FANCC: variants seen among roughly 807,000 people sequenced by gnomAD.
FANCC encodes the protein Fanconi anemia group C protein.
In FANCC, 55 loss-of-function variants were observed where a neutral mutation model predicts 71.3. The ratio of observed to expected loss-of-function variants is 0.77; its 90% CI spans 0.62 to 0.97. The LOEUF (loss-of-function observed/expected upper bound fraction) is 0.97, where lower values mean the gene tolerates loss of function less well. FANCC is among the 50% of genes least tolerant of loss of function. FANCC has a pLI of 0.00. For synonymous variants in FANCC, 275 were observed against 244.9 expected (o/e 1.12, Z -1.15); for missense variants, 678 against 670.9 (o/e 1.01, Z -0.12).
chr9:95,120,790 A>G (rs1434073335), intron 10 of FANCC, among the ~76,000 whole-genome samples: 1 of 152,160 alleles, frequency 6.6e-6, no homozygotes, highest in African/African-American at 2.4e-5. Flanking sequence ...TTTAACTTCC[A>G]TTTAATTGCT....
intron 1 of FANCC, among the ~76,000 whole-genome samples, chr9:95,267,820 T>TAA (rs927331653): frequency 6.6e-6 from 1 of 151,228 alleles, no homozygotes; most frequent in South Asian, 2.1e-4. Flanking sequence ...AAAAGATGGC[T>TAA]AAAAAAAAAT....
chr9:95,228,740 A>G (rs1717930479), intron 4 of FANCC, among the ~76,000 whole-genome samples: 1 of 152,148 alleles, frequency 6.6e-6, no homozygotes, highest in Non-Finnish European at 1.5e-5. Flanking sequence ...AGTGACCCAA[A>G]TGGTACCCAG....
At chr9:95,258,345 T>C (rs960670685) in intron 1 of FANCC, among the ~76,000 whole-genome samples, 3 of 152,150 alleles carry the variant, frequency 2.0e-5, no homozygotes, top group Admixed American at 2.0e-4. Flanking sequence ...TCCACCACAA[T>C]CAAGTCGGCT....
chr9:95,131,890 G>A (rs1826964665), intron 8 of FANCC, among the ~76,000 whole-genome samples: 1 of 152,086 alleles, frequency 6.6e-6, no homozygotes, highest in African/African-American at 2.4e-5. Flanking sequence ...ATTGCTACCT[G>A]GAGAATGAGG....
At position 95,222,250 on chromosome 9, in the gene FANCC, G is replaced by A. The variant is rs72752333; in HGVS notation, c.345+18399C>T. Among the ~76,000 whole-genome samples, 673 of 149,634 alleles carry A rather than the reference G, an allele frequency of 4.5e-3. 4 individuals carry two copies. The highest frequency in any genetic ancestry group is 8.3e-3 in the Non-Finnish European group (562 of 67,396). ...ACAATCCAAATTGCTATCAACAAAT[G>A]AACAGATAAACAAACTGGTATATGG... On this transcript the variant is annotated intron_variant, in intron 4 of 14. Coordinates refer to ENST00000289081, the MANE Select transcript of FANCC (RefSeq NM_000136.3).
At position 95,114,612 on chromosome 9, in the gene FANCC, G is replaced by C. The variant is rs1356928463; in HGVS notation, c.1154+17C>G. 1 of 1,605,928 alleles carries C rather than the reference G, an allele frequency of 6.2e-7. No individual in the cohort carries two copies. Among genetic ancestry groups the C allele is most frequent in the Non-Finnish European group, 8.5e-7 (1 of 1,172,488 alleles). The stretch of plus-strand genomic sequence containing the variant: ...CCATGTGTGAAGTAGATTTGGGAGT[G>C]GTCAGTGTTTGCTCACCCATGAGTC... On this transcript the variant is annotated intron_variant, in intron 12 of 14. Coordinates refer to ENST00000289081, the MANE Select transcript of FANCC (RefSeq NM_000136.3).
intron 6 of FANCC, among the ~76,000 whole-genome samples, chr9:95,167,126 T>C (rs1825350455): frequency 6.6e-6 from 1 of 152,210 alleles, no homozygotes; most frequent in African/African-American, 2.4e-5. Flanking sequence ...CCTGGCTCTT[T>C]GAATGTATCA....
At chr9:95,169,535 A>G (rs1825529445) in intron 6 of FANCC, among the ~76,000 whole-genome samples, 1 of 152,244 alleles carries the variant, frequency 6.6e-6, no homozygotes. Flanking sequence ...TGTTGGATGC[A>G]CATTCCACTC....
At chr9:95,295,381 G>C (rs921481893) in intron 1 of FANCC, among the ~76,000 whole-genome samples, 1 of 151,456 alleles carries the variant, frequency 6.6e-6, no homozygotes, top group Non-Finnish European at 1.5e-5. Context: ...ACAAAACAAA[G>C]CAAAACAAAA....
At chr9:95,125,295 T>C in intron 9 of FANCC, 110 bp from the exon 10 acceptor site, 2 of 808,688 alleles carry the variant, frequency 2.5e-6, no homozygotes, top group Non-Finnish European at 4.3e-6. Flanking sequence ...GCCATAAGCT[T>C]CAGCAGTATC....
chr9:95,293,771 T>C, intron 1 of FANCC: 2 of 1,613,986 alleles, frequency 1.2e-6, no homozygotes, highest in Non-Finnish European at 1.7e-6. Context: ...CTCAGACTGA[T>C]GCATTTATGG....
intron 6 of FANCC, among the ~76,000 whole-genome samples, chr9:95,167,645 T>C (rs1825386697): frequency 6.6e-6 from 1 of 152,226 alleles, no homozygotes; most frequent in Admixed American, 6.5e-5. Context: ...AGCTCCAGAA[T>C]ATCTGTTTGG....
At position 95,103,862 on chromosome 9, in the gene FANCC, C is replaced by A. The variant is rs551156728; in HGVS notation, c.1534-2012G>T. ...GTCCTTTAGGTCAGATGGAGCCACT[C>A]GCTCAAGCCATCTCCAAGAGGGTGC... is the stretch of plus-strand genomic sequence containing the variant. On this transcript the variant is annotated intron_variant, in intron 14 of 14. Transcript: ENST00000289081. Among the ~76,000 whole-genome samples the A allele has an allele frequency of 4.3e-4, 66 of 152,322 alleles. No homozygotes were observed. In the South Asian group the frequency reaches 0.012, roughly 27 times the overall value.
intron 1 of FANCC, among the ~76,000 whole-genome samples, chr9:95,264,197 T>C (rs1832247720): frequency 6.6e-6 from 1 of 152,198 alleles, no homozygotes; most frequent in Non-Finnish European, 1.5e-5. Context: ...AAACACATCC[T>C]AGCTGACACA....
At chr9:95,285,343 T>C (rs1315444346) in intron 1 of FANCC, among the ~76,000 whole-genome samples, 1 of 152,158 alleles carries the variant, frequency 6.6e-6, no homozygotes, top group Non-Finnish European at 1.5e-5. Flanking sequence ...CCATAAATTA[T>C]ATGGAGTTTT....
intron 4 of FANCC, among the ~76,000 whole-genome samples, chr9:95,212,589 C>T (rs1336715065): frequency 6.6e-6 from 1 of 151,886 alleles, no homozygotes; most frequent in Admixed American, 6.6e-5. Context: ...GCACTCCAAG[C>T]AATGGTAAGA....
At chr9:95,267,086 G>A (rs1445394842) in intron 1 of FANCC, among the ~76,000 whole-genome samples, 5 of 152,168 alleles carry the variant, frequency 3.3e-5, no homozygotes, top group Non-Finnish European at 7.3e-5. Context: ...ACAAAACCAT[G>A]AGCAGCCAGC....
At chr9:95,189,061 C>T (rs978232221) in intron 4 of FANCC, among the ~76,000 whole-genome samples, 3 of 152,130 alleles carry the variant, frequency 2.0e-5, no homozygotes, top group East Asian at 1.9e-4. Flanking sequence ...CAATTAAATA[C>T]GCCAATTGCT....
At chr9:95,118,759 T>C (rs1291585172) in intron 10 of FANCC, among the ~76,000 whole-genome samples, 1 of 152,260 alleles carries the variant, frequency 6.6e-6, no homozygotes, top group African/African-American at 2.4e-5. Context: ...TCTGTTTTTA[T>C]TGCTCAGAAG....
Sources: allele counts gnomAD v4.1 joint callset (sites outside exome capture counted in the v4.1 genomes callset), GRCh38; gene constraint gnomAD v4.1.1; transcripts MANE v1.5; gene names NCBI Gene and HGNC (gene_info 2026-07-23, HGNC 2026-07-21).